Variants in DOCK5 observed in about 807,000 individuals in gnomAD.
The protein encoded by DOCK5 is dedicator of cytokinesis 5, also known as dedicator of cytokinesis protein 5.
A neutral mutation model predicts 251.8 loss-of-function variants in DOCK5; 142 were observed. The observed-to-expected ratio is 0.56, with a 90% confidence interval of 0.49 to 0.65. The LOEUF is 0.65. Ranked by LOEUF, DOCK5 falls within the 30% of genes least tolerant of loss-of-function variation. DOCK5 has a pLI of 0.00. For missense variants in DOCK5, 2,111 were observed against 2,312.3 expected (o/e 0.91, Z 1.79); for synonymous variants, 842 against 835.5 (o/e 1.01, Z -0.13).
chr8:25,346,836 AAAG>A (rs1800377913), intron 26 of DOCK5, among the ~76,000 whole-genome samples: 1 of 151,214 alleles, frequency 6.6e-6, no homozygotes, highest in Non-Finnish European at 1.5e-5. Flanking sequence ...AAAAAAAAAA[AAAG>A]AAAACATAGG....
Position 25,320,627 on chromosome 8 carries a change from G to C in DOCK5, c.1543-353G>C, listed in dbSNP as rs571742026. On this transcript the variant is annotated intron_variant, in intron 15 of 51. Transcript: ENST00000276440. ...TTTCCCCCTCTTTATGGAATAATCA[G>C]GTCTTATAGATCCAATTATTACTAT... Among the ~76,000 whole-genome samples, 211 of 152,206 alleles carry C rather than the reference G, an allele frequency of 1.4e-3. 1 individual carries two copies. The highest frequency in any genetic ancestry group is 4.9e-3 in the African/African-American group (204 of 41,526).
At chr8:25,248,282 C>T (rs953842512) in intron 2 of DOCK5, among the ~76,000 whole-genome samples, 2 of 152,208 alleles carry the variant, frequency 1.3e-5, no homozygotes, top group Non-Finnish European at 2.9e-5. Flanking sequence ...TTATTTAAGG[C>T]AGCTCGAGGC....
rs188250698 is a variant in DOCK5 at position 25,276,253 on chromosome 8, A to G, written c.224+812A>G. On this transcript the variant is annotated intron_variant, in intron 4 of 51. Coordinates refer to ENST00000276440, the MANE Select transcript of DOCK5 (RefSeq NM_024940.8). Reference sequence around the variant, plus strand: ...TTTTCACAGCATATTAGGGGAAACAATCTGACCCTACTTTGATCATGAGCT... The same window carrying G: ...TTTTCACAGCATATTAGGGGAAACAGTCTGACCCTACTTTGATCATGAGCT... 2.4e-4 allele frequency among the ~76,000 whole-genome samples: 36 copies of G among 152,302 alleles called. No individual in the cohort carries two copies. In the East Asian group the frequency reaches 5.0e-3, roughly 21 times the overall value.
At chr8:25,396,893 C>G (rs1252152800) in intron 45 of DOCK5, among the ~76,000 whole-genome samples, 1 of 151,928 alleles carries the variant, frequency 6.6e-6, no homozygotes, top group Non-Finnish European at 1.5e-5. Flanking sequence ...CATGCTTCAC[C>G]TCTCTGAGCT....
intron 1 of DOCK5, among the ~76,000 whole-genome samples, chr8:25,213,384 AG>A (rs1286906314): frequency 1.3e-5 from 2 of 149,822 alleles, no homozygotes; most frequent in African/African-American, 4.9e-5. Flanking sequence ...AAAAAAAAAA[AG>A]CTGATAATCT....
At chr8:25,371,884 C>T (rs1800879509) in intron 34 of DOCK5, among the ~76,000 whole-genome samples, 1 of 147,558 alleles carries the variant, frequency 6.8e-6, no homozygotes, top group Admixed American at 6.9e-5. Flanking sequence ...TTCCCTCTCC[C>T]TCTTTTCCCA....
chr8:25,349,319 T>C (rs553634588), intron 26 of DOCK5, among the ~76,000 whole-genome samples: 16 of 152,166 alleles, frequency 1.1e-4, no homozygotes, highest in African/African-American at 3.4e-4. Context: ...AAACAGACTA[T>C]GAAAAACAGG....
At position 25,408,022 on chromosome 8, in the gene DOCK5, A is replaced by G; in HGVS notation, c.5133A>G (p.Ser1711=). The G allele has an allele frequency of 6.2e-7, 1 of 1,612,734 alleles. No homozygotes were observed. Among genetic ancestry groups the G allele is most frequent in the Non-Finnish European group, 8.5e-7 (1 of 1,179,412 alleles). ...CACTTTTGGAGCGCAGGGCCTCGTC[A>G]GGTGCCAGAGTTGAAGATCTGTCCC... The part of the protein sequence containing the change: ...LEPLLERRAS[S]GARVEDLSLR... The change falls in exon 49 of 52, where the codon TCA becomes TCG. Residue 1711 remains serine, a synonymous_variant. Transcript: ENST00000276440.
intron 48 of DOCK5, among the ~76,000 whole-genome samples, chr8:25,404,652 C>G (rs748773747): frequency 6.6e-6 from 1 of 152,022 alleles, no homozygotes; most frequent in Non-Finnish European, 1.5e-5. Context: ...TGCTTTCACT[C>G]TATTACTGTT....
At chr8:25,299,656 C>T (rs974916962) in intron 8 of DOCK5, among the ~76,000 whole-genome samples, 2 of 152,044 alleles carry the variant, frequency 1.3e-5, no homozygotes, top group African/African-American at 4.8e-5. Flanking sequence ...TTATGGGACT[C>T]TATTTTCAGC....
intron 12 of DOCK5, 71 bp downstream of exon 12, chr8:25,308,996 C>T (rs929969550): frequency 6.5e-6 from 10 of 1,538,966 alleles, no homozygotes; most frequent in Admixed American, 5.7e-5. Context: ...GGTCCTTGGA[C>T]TCCTGCCCTT....
At chr8:25,233,554 T>C (rs1802723415) in intron 1 of DOCK5, among the ~76,000 whole-genome samples, 1 of 152,016 alleles carries the variant, frequency 6.6e-6, no homozygotes, top group South Asian at 2.1e-4. Flanking sequence ...ACCAGAAGAG[T>C]TAGGTAAAAC....
chr8:25,358,881 C>A, intron 27 of DOCK5, 82 bp from the exon 28 acceptor site: 1 of 1,298,430 alleles, frequency 7.7e-7, no homozygotes, highest in Non-Finnish European at 1.1e-6. Flanking sequence ...GTGGGAAAAG[C>A]CAAGTTCATG....
At chr8:25,347,380 T>C (rs1266908072) in intron 26 of DOCK5, among the ~76,000 whole-genome samples, 1 of 152,200 alleles carries the variant, frequency 6.6e-6, no homozygotes, top group Non-Finnish European at 1.5e-5. Context: ...TATTTATTCA[T>C]TATAGATCAT....
chr8:25,283,145 G>A lies in DOCK5; in HGVS notation c.321+4480G>A, dbSNP rs529076552. Among the ~76,000 whole-genome samples the A allele has an allele frequency of 3.3e-5, 5 of 152,250 alleles. No homozygotes were observed. In the East Asian group the frequency reaches 9.7e-4, roughly 29 times the overall value. On this transcript the variant is annotated intron_variant, in intron 5 of 51. Transcript: ENST00000276440. ...ATCATAAATATGTCTTAAAGGGGAGGGGAGTATGTACACAGAACAGAGGTG... is the reference window on the plus strand; with the variant it reads ...ATCATAAATATGTCTTAAAGGGGAGAGGAGTATGTACACAGAACAGAGGTG...
chr8:25,397,711 C>A (rs1449461687), intron 45 of DOCK5, among the ~76,000 whole-genome samples: 2 of 152,052 alleles, frequency 1.3e-5, no homozygotes, highest in Non-Finnish European at 2.9e-5. Context: ...TTAATTTTTA[C>A]AGAATACCCC....
chr8:25,316,118 A>G (rs1805243932), intron 13 of DOCK5, among the ~76,000 whole-genome samples: 1 of 152,190 alleles, frequency 6.6e-6, no homozygotes, highest in South Asian at 2.1e-4. Flanking sequence ...CTGGGTAACA[A>G]AAAAGAAAAA....
chr8:25,369,515 G>T (rs1275441227), intron 33 of DOCK5, 41 bp from the exon 34 acceptor site: 1 of 1,558,254 alleles, frequency 6.4e-7, no homozygotes, highest in Non-Finnish European at 8.7e-7. Context: ...CTTCTTCTAA[G>T]GATGCAACAT....
At chr8:25,264,808 C>G (rs1803693356) in intron 2 of DOCK5, among the ~76,000 whole-genome samples, 1 of 151,636 alleles carries the variant, frequency 6.6e-6, no homozygotes, top group Admixed American at 6.6e-5. Context: ...GCCTGGGTGA[C>G]AGAGCAGGAC....
Sources: gnomAD v4.1 joint callset for allele counts (sites outside exome capture counted in the v4.1 genomes callset) on GRCh38, gnomAD v4.1.1 for gene constraint, MANE v1.5 for transcripts, NCBI Gene and HGNC (gene_info 2026-07-23, HGNC 2026-07-21) for gene names.